Variants in PAPSS2 observed in about 807,000 individuals in gnomAD.
PAPSS2 encodes the protein bifunctional 3'-phosphoadenosine 5'-phosphosulfate synthase 2.
PAPSS2 carries 61 observed loss-of-function variants against 66.5 expected under a neutral mutation model. The observed-to-expected ratio is 0.92, with a 90% CI of 0.75 to 1.14. PAPSS2 has a LOEUF of 1.14. Ranked by LOEUF, PAPSS2 falls within the 50% of genes most tolerant of loss-of-function variation. PAPSS2 has a pLI of 0.00. For synonymous variants in PAPSS2, 289 were observed against 287.5 expected (o/e 1.01, Z -0.05); for missense variants, 708 against 789.6 (o/e 0.90, Z 1.24).
chr10:87,703,872 G>A (rs771100975), intron 1 of PAPSS2: 15 of 512,876 alleles, frequency 2.9e-5, no homozygotes, highest in Admixed American at 7.8e-5. Context: ...ATGGGATGCC[G>A]AGGATGTCTG....
intron 1 of PAPSS2, among the ~76,000 whole-genome samples, chr10:87,673,963 G>A (rs955754728): frequency 3.3e-5 from 5 of 152,100 alleles, no homozygotes; most frequent in African/African-American, 1.2e-4. Context: ...CCTTCTGCAT[G>A]TTATCTTGGG....
At chr10:87,706,954 C>CG (rs1853399301) in intron 1 of PAPSS2, among the ~76,000 whole-genome samples, 1 of 152,168 alleles carries the variant, frequency 6.6e-6, no homozygotes, top group Non-Finnish European at 1.5e-5. Flanking sequence ...TCTTGGATTC[C>CG]GACCAGATTT....
intron 1 of PAPSS2, among the ~76,000 whole-genome samples, chr10:87,669,070 A>C (rs1288751333): frequency 1.3e-5 from 2 of 152,230 alleles, no homozygotes; most frequent in East Asian, 3.8e-4. Context: ...GCAGTATTTG[A>C]AAGATGTAAC....
intron 1 of PAPSS2, among the ~76,000 whole-genome samples, chr10:87,671,296 T>G (rs1485755301): frequency 2.0e-5 from 3 of 152,254 alleles, no homozygotes; most frequent in Admixed American, 6.5e-5. Flanking sequence ...AAAAGGATGA[T>G]GCAGGCGCTT....
rs1334410441 is a variant in PAPSS2 at position 87,745,911 on chromosome 10, A to G, written c.1801A>G (p.Met601Val). ...REGENPPDGF[M>V]APKAWKVLTD... is the part of the protein sequence containing the mutation. ...AGGAGAGAATCCCCCAGATGGCTTC[A>G]TGGCCCCCAAAGCATGGAAGGTCCT... Residue 601 changes from methionine (M) to valine (V), a missense_variant, in exon 13 of 13, where the codon ATG becomes GTG. Transcript: ENST00000456849. 5 of 1,613,984 alleles carry G rather than the reference A, an allele frequency of 3.1e-6. No individual in the cohort carries two copies. The highest frequency in any genetic ancestry group is 8.5e-7 in the Non-Finnish European group (1 of 1,179,962).
intron 1 of PAPSS2, among the ~76,000 whole-genome samples, chr10:87,675,521 AG>A (rs1174077185): frequency 3.0e-5 from 2 of 67,324 alleles, no homozygotes; most frequent in Non-Finnish European, 8.6e-5. Context: ...ATTCATGTAT[AG>A]GGGGGCCAAG....
intron 1 of PAPSS2, among the ~76,000 whole-genome samples, chr10:87,691,556 A>G (rs1309188919): frequency 6.6e-6 from 1 of 152,124 alleles, no homozygotes; most frequent in African/African-American, 2.4e-5. Context: ...CACTTGAATG[A>G]GAATTTCCTG....
At chr10:87,673,689 C>CTTTTTTTT (rs34935261) in intron 1 of PAPSS2, among the ~76,000 whole-genome samples, 1 of 67,424 alleles carries the variant, frequency 1.5e-5, no homozygotes, top group African/African-American at 5.3e-5. Flanking sequence ...TTTTGGCTTA[C>CTTTTTTTT]TTTTTTTTTT....
chr10:87,727,898 C>G (rs1406394278), intron 9 of PAPSS2, among the ~76,000 whole-genome samples: 1 of 152,124 alleles, frequency 6.6e-6, no homozygotes, highest in Non-Finnish European at 1.5e-5. Flanking sequence ...TGGACCCAAC[C>G]AAATGCTGGA....
At chr10:87,710,946 G>A (rs1853456117) in intron 2 of PAPSS2, among the ~76,000 whole-genome samples, 1 of 151,974 alleles carries the variant, frequency 6.6e-6, no homozygotes, top group Non-Finnish European at 1.5e-5. Flanking sequence ...GAAGTTGCAG[G>A]GAGCTGAGAT....
intron 1 of PAPSS2, among the ~76,000 whole-genome samples, chr10:87,699,812 T>TAA (rs11378998): frequency 0.064 from 8,694 of 135,570 alleles, 290 homozygotes; most frequent in South Asian, 0.12. Context: ...ATCATGCCAC[T>TAA]AAAAAAAAAA....
At chr10:87,689,602 G>A (rs1410935647) in intron 1 of PAPSS2, among the ~76,000 whole-genome samples, 1 of 147,370 alleles carries the variant, frequency 6.8e-6, no homozygotes, top group Non-Finnish European at 1.5e-5. Flanking sequence ...GGAGGTGGAG[G>A]TTTGCGGTGA....
intron 1 of PAPSS2, among the ~76,000 whole-genome samples, chr10:87,706,457 C>T (rs535437762): frequency 2.5e-4 from 38 of 151,728 alleles, no homozygotes; most frequent in Non-Finnish European, 4.7e-4. Flanking sequence ...GCACCAAGGA[C>T]ACAGAATACC....
Position 87,746,058 on chromosome 10 carries a change from CAAT to C in PAPSS2, c.*89_*91del, listed in dbSNP as rs542387528. 9.6e-6 allele frequency: 12 copies of C among 1,249,224 alleles called. No individual in the cohort carries two copies. Among genetic ancestry groups the C allele is most frequent in the Non-Finnish European group, 1.3e-5 (11 of 861,148 alleles). 77.4% of individuals were successfully genotyped at this position (1,249,224 alleles called of 1,614,324 possible). The stretch of plus-strand genomic sequence containing the variant: ...AGATGCTTTGTATTAAATTGCTTCT[CAAT>C]GATGCATTTTAATCTTTTATAATGA... On this transcript the variant is annotated 3_prime_UTR_variant, in exon 13 of 13. Coordinates refer to ENST00000456849, the MANE Select transcript of PAPSS2 (RefSeq NM_001015880.2).
chr10:87,679,444 TCAA>T (rs879878937), intron 1 of PAPSS2, among the ~76,000 whole-genome samples: 1 of 152,226 alleles, frequency 6.6e-6, no homozygotes, highest in Non-Finnish European at 1.5e-5. Flanking sequence ...GGAATTGTTC[TCAA>T]CACATAAAAA....
At position 87,745,964 on chromosome 10, in the gene PAPSS2, G is replaced by A. The variant is rs1404735440; in HGVS notation, c.1854G>A (p.Lys618=). The A allele has an allele frequency of 4.3e-6, 7 of 1,613,910 alleles. No individual in the cohort carries two copies. The highest frequency in any genetic ancestry group is 5.9e-6 in the Non-Finnish European group (7 of 1,179,934). Residue 618 remains lysine (K), a synonymous_variant, in exon 13 of 13, where the codon AAG becomes AAA. Coordinates refer to ENST00000456849, the MANE Select transcript of PAPSS2 (RefSeq NM_001015880.2). ...CAGATTATTACAGGTCCCTGGAGAA[G>A]AACTAAGCCTTTGGCTCCAGAGTTT... ...VLTDYYRSLE[K]N is the part of the protein sequence containing the mutation.
intron 1 of PAPSS2, among the ~76,000 whole-genome samples, chr10:87,688,443 T>TTTTATTTTATTTTATTTTATTTA (rs541821509): frequency 3.3e-4 from 46 of 138,080 alleles, no homozygotes; most frequent in Non-Finnish European, 5.2e-4. Context: ...TTCTTTTTTA[T>TTTTATTTTATTTTATTTTATTTA]TTTATTTATT....
At chr10:87,688,604 C>T (rs11202508) in intron 1 of PAPSS2, among the ~76,000 whole-genome samples, 24,338 of 151,724 alleles carry the variant, frequency 0.16, 1,968 homozygotes, top group East Asian at 0.22. Context: ...GGACTACAGG[C>T]GCCCGCCACC....
At chr10:87,737,937 A>C (rs1853820576) in intron 9 of PAPSS2, among the ~76,000 whole-genome samples, 1 of 152,190 alleles carries the variant, frequency 6.6e-6, no homozygotes, top group South Asian at 2.1e-4. Flanking sequence ...AATTCATAGA[A>C]ATTTAGATAC....
Sources: gnomAD v4.1 joint callset for allele counts (sites outside exome capture counted in the v4.1 genomes callset) on GRCh38, gnomAD v4.1.1 for gene constraint, MANE v1.5 for transcripts, NCBI Gene and HGNC (gene_info 2026-07-23, HGNC 2026-07-21) for gene names.